The following PAX5 variants were observed in gnomAD, a reference collection of about 807,000 sequenced individuals.
The protein encoded by PAX5 is paired box protein Pax-5.
A neutral mutation model predicts 43.7 loss-of-function variants in PAX5; 9 were observed. The observed-to-expected ratio is 0.21, with a 90% CI of 0.12 to 0.36. PAX5 has a LOEUF of 0.36. Among genes scored for constraint, PAX5 ranks in the 10% least tolerant of loss-of-function variants. The pLI is 1.00. For missense variants in PAX5, 383 were observed against 532.7 expected (o/e 0.72, Z 2.77); for synonymous variants, 228 against 214.3 (o/e 1.06, Z -0.56).
At chr9:37,031,702 C>T (rs1841008421) in intron 1 of PAX5, among the ~76,000 whole-genome samples, 2 of 151,724 alleles carry the variant, frequency 1.3e-5, no homozygotes, top group South Asian at 4.2e-4. Flanking sequence ...CTCTGAGTTT[C>T]CTTTCCCTAC....
intron 6 of PAX5, among the ~76,000 whole-genome samples, chr9:36,964,067 T>C (rs1588095957): frequency 6.8e-6 from 1 of 146,632 alleles, no homozygotes; most frequent in East Asian, 2.1e-4. Flanking sequence ...GATCATGAGG[T>C]CAGGAGATCA....
intron 1 of PAX5, among the ~76,000 whole-genome samples, chr9:37,024,154 A>G (rs1033974844): frequency 3.3e-5 from 5 of 152,216 alleles, no homozygotes; most frequent in Non-Finnish European, 7.3e-5. Context: ...GGTTTAGGCC[A>G]CCGTCAGGTA....
chr9:36,868,213 T>C (rs1825088515), intron 8 of PAX5, among the ~76,000 whole-genome samples: 1 of 152,246 alleles, frequency 6.6e-6, no homozygotes, highest in African/African-American at 2.4e-5. Flanking sequence ...CCTGTTTAAT[T>C]ACACAGTCCG....
intron 5 of PAX5, among the ~76,000 whole-genome samples, chr9:36,980,273 A>G (rs1835800136): frequency 6.6e-6 from 1 of 152,244 alleles, no homozygotes; most frequent in African/African-American, 2.4e-5. Flanking sequence ...ACAGTCTGCA[A>G]ATAAGCTTTG....
intron 7 of PAX5, among the ~76,000 whole-genome samples, chr9:36,896,634 A>C (rs935362326): frequency 6.6e-6 from 1 of 152,124 alleles, no homozygotes; most frequent in African/African-American, 2.4e-5. Flanking sequence ...ATCTCACAGA[A>C]TCACCGGCTG....
chr9:36,895,341 CCTTA>C (rs1401423841), intron 7 of PAX5, among the ~76,000 whole-genome samples: 1 of 152,188 alleles, frequency 6.6e-6, no homozygotes, highest in Admixed American at 6.5e-5. Flanking sequence ...CTTCTAAATG[CCTTA>C]CTTGCGTCAC....
At chr9:36,981,185 G>GGGCC (rs1554676937) in intron 5 of PAX5, among the ~76,000 whole-genome samples, 4 of 106,492 alleles carry the variant, frequency 3.8e-5, no homozygotes, top group African/African-American at 1.6e-4. Context: ...AAACAGCAAA[G>GGGCC]CCCCCCCCCC....
chr9:36,875,557 A>AATGTC (rs1199754204), intron 8 of PAX5, among the ~76,000 whole-genome samples: 4 of 152,112 alleles, frequency 2.6e-5, no homozygotes, highest in African/African-American at 9.7e-5. Context: ...CCCCCCCAAA[A>AATGTC]ATGTCCATAT....
At chr9:36,910,732 C>T (rs779164276) in intron 7 of PAX5, among the ~76,000 whole-genome samples, 3 of 152,168 alleles carry the variant, frequency 2.0e-5, no homozygotes, top group Non-Finnish European at 4.4e-5. Flanking sequence ...GAGACTTCGC[C>T]TTTGAGGTAG....
At chr9:36,843,085 TGTGTGTGC>T (rs1822222028) in intron 9 of PAX5, among the ~76,000 whole-genome samples, 1 of 151,992 alleles carries the variant, frequency 6.6e-6, no homozygotes, top group Admixed American at 6.5e-5. Flanking sequence ...TGTGCCTGTG[TGTGTGTGC>T]GTGTGTGTGT....
chr9:36,945,434 G>A (rs562239737), intron 6 of PAX5, among the ~76,000 whole-genome samples: 7 of 152,236 alleles, frequency 4.6e-5, no homozygotes, highest in Admixed American at 3.3e-4. Flanking sequence ...TAGGGATGAG[G>A]TCTTACTATG....
Position 37,033,987 on chromosome 9 carries a change from T to G in PAX5, c.45A>C (p.Thr15=). 6.2e-7 allele frequency: 1 copy of G among 1,611,668 alleles called. No individual in the cohort carries two copies. The highest frequency in any genetic ancestry group is 8.5e-7 in the Non-Finnish European group (1 of 1,179,568). ...CTGGAGCCCGTATCGCGGTCCTACC[T>G]GTCCTGCTGGTCCGAGGAGTCGGAT... ...KNYPTPRTSR[T]GHGGVNQLGG... Residue 15 remains threonine, a splice_region_variant and synonymous_variant, in exon 1 of 10, where the codon ACA becomes ACC. Coordinates refer to ENST00000358127, the MANE Select transcript of PAX5 (RefSeq NM_016734.3).
chr9:36,898,898 C>T (rs978512511), intron 7 of PAX5, among the ~76,000 whole-genome samples: 3 of 152,094 alleles, frequency 2.0e-5, no homozygotes, highest in Non-Finnish European at 4.4e-5. Flanking sequence ...ACAGCCAACT[C>T]CAGCCGCACT....
At chr9:36,921,794 G>A (rs905741090) in intron 7 of PAX5, among the ~76,000 whole-genome samples, 1 of 152,184 alleles carries the variant, frequency 6.6e-6, no homozygotes, top group Non-Finnish European at 1.5e-5. Context: ...CAGAGGGCCA[G>A]CTCTAACTCC....
intron 8 of PAX5, among the ~76,000 whole-genome samples, chr9:36,863,994 A>T (rs1416205979): frequency 1.3e-5 from 2 of 152,198 alleles, no homozygotes; most frequent in Non-Finnish European, 2.9e-5. Context: ...CTGTAGTCCC[A>T]GCTACTCGGG....
At chr9:37,006,589 G>C in intron 3 of PAX5, 52 bp from the exon 4 acceptor site, 1 of 1,425,500 alleles carries the variant, frequency 7.0e-7, no homozygotes, top group Non-Finnish European at 9.9e-7. Flanking sequence ...AAGGAGAAGA[G>C]ACCTCAACCA....
chr9:36,859,296 G>T (rs1010089593), intron 8 of PAX5, among the ~76,000 whole-genome samples: 5 of 152,208 alleles, frequency 3.3e-5, no homozygotes, highest in Non-Finnish European at 2.9e-5. Flanking sequence ...GCTGGGGCCA[G>T]TGTGTTTGTA....
chr9:36,943,529 T>TTCTCACACACAC (rs35815065), intron 6 of PAX5, among the ~76,000 whole-genome samples: 3 of 146,018 alleles, frequency 2.1e-5, no homozygotes, highest in East Asian at 2.1e-4. Flanking sequence ...TAGTTCAACA[T>TTCTCACACACAC]ACACACACAC....
intron 1 of PAX5, among the ~76,000 whole-genome samples, chr9:37,026,326 C>T (rs1840362244): frequency 6.6e-6 from 1 of 152,252 alleles, no homozygotes; most frequent in African/African-American, 2.4e-5. Flanking sequence ...CTACGCGTTG[C>T]CGGAGGCGGG....
Sources: gnomAD v4.1 joint callset for allele counts (sites outside exome capture counted in the v4.1 genomes callset) on GRCh38, gnomAD v4.1.1 for gene constraint, MANE v1.5 for transcripts, NCBI Gene and HGNC (gene_info 2026-07-23, HGNC 2026-07-21) for gene names.